TNS3: variants seen among roughly 807,000 people sequenced by gnomAD.
TNS3 encodes the protein tensin-3.
TNS3 carries 45 observed loss-of-function variants against 140.9 expected under a neutral mutation model. The observed-to-expected ratio is 0.32, with a 90% CI of 0.25 to 0.41. The LOEUF (loss-of-function observed/expected upper bound fraction) is 0.41, where lower values mean the gene tolerates loss of function less well. TNS3 is among the 10% of genes least tolerant of loss of function. TNS3 has a pLI of 1.00. For synonymous variants in TNS3, 815 were observed against 788.4 expected, an observed-to-expected ratio of 1.03 and a Z score of -0.56; for missense variants, 1,716 against 1,906.7, an observed-to-expected ratio of 0.90 and a Z score of 1.86.
At chr7:47,549,456 C>T (rs1373575875) in intron 1 of TNS3, among the ~76,000 whole-genome samples, 1 of 152,084 alleles carries the variant, frequency 6.6e-6, no homozygotes, top group Admixed American at 6.5e-5. Flanking sequence ...GATCACGCCA[C>T]TGCACTCCAG....
intron 4 of TNS3, among the ~76,000 whole-genome samples, chr7:47,449,297 A>G (rs961903635): frequency 3.2e-4 from 49 of 152,180 alleles, no homozygotes; most frequent in Non-Finnish European, 6.0e-4. Context: ...CTGACGTCCC[A>G]TTGCCATGGG....
Position 47,304,868 on chromosome 7 carries a change from G to A in TNS3, c.2786C>T (p.Thr929Ile). 7.1e-7 allele frequency: 1 copy of A among 1,404,862 alleles called. No individual in the cohort carries two copies. Among genetic ancestry groups the A allele is most frequent in the East Asian group, 2.7e-5 (1 of 36,736 alleles). The allele number at this position is 1,404,862 out of a possible 1,614,324, so 87.0% of individuals were successfully genotyped here. A position where few individuals can be genotyped will look rare whatever the true frequency, so the allele number is the denominator to read the frequency against. ...SFQQAFASSC[T>I]ISSNGPGQRR... ...CTGCCCAGGGCCGTTGCTGGAAATG[G>A]TGCAGGAAGAAGCAAAAGCCTGCTG... The change falls in exon 21 of 31, where the codon ACC becomes ATC. Residue 929 changes from threonine (T) to isoleucine (I), a missense_variant. Transcript: ENST00000311160.
In TNS3 at chr7:47,470,468, G is replaced by T. The variant is rs545933960; in HGVS notation, c.-76+10635C>A. 7.8e-4 allele frequency: 772 copies of T among 985,316 alleles called. 2 individuals are homozygous for T. The highest frequency in any genetic ancestry group is 9.0e-4 in the Non-Finnish European group (743 of 829,940). The allele number at this position is 985,316 out of a possible 1,614,324, so 61.0% of individuals were successfully genotyped here. A position where few individuals can be genotyped will look rare whatever the true frequency, so the allele number is the denominator to read the frequency against. On this transcript the variant is annotated intron_variant, in intron 4 of 30. Transcript: ENST00000311160. ...CTGATTTTTCTTGTCTGCTGCAGAC[G>T]TCCAGTCATCAGACTTGGCAGCATT... is the stretch of plus-strand genomic sequence containing the variant.
chr7:47,441,544 C>A (rs953541308), intron 5 of TNS3, among the ~76,000 whole-genome samples: 1 of 152,188 alleles, frequency 6.6e-6, no homozygotes, highest in Non-Finnish European at 1.5e-5. Context: ...ATTTTGTTTT[C>A]TCTACCTTAT....
In TNS3 at chr7:47,574,508, G is replaced by T. The variant is rs548126596; in HGVS notation, c.-265+7543C>A. ...AGCTTGTGCTCACCAAAAAAAAAAT[G>T]GAAAGCAGGGACTTATACACCCATG... On this transcript the variant is annotated intron_variant, in intron 1 of 30. Coordinates refer to ENST00000311160, the MANE Select transcript of TNS3 (RefSeq NM_022748.12). 5.5e-4 allele frequency among the ~76,000 whole-genome samples: 84 copies of T among 152,060 alleles called. 2 individuals carry two copies. The South Asian group carries it at 0.017, about 32-fold the overall frequency.
chr7:47,447,226 G>A (rs1433805403), intron 4 of TNS3, among the ~76,000 whole-genome samples: 1 of 151,742 alleles, frequency 6.6e-6, no homozygotes, highest in Non-Finnish European at 1.5e-5. Flanking sequence ...GCACTGCCTG[G>A]AGGGTCATTC....
At chr7:47,501,845 G>A (rs1285248227) in intron 3 of TNS3, among the ~76,000 whole-genome samples, 1 of 152,202 alleles carries the variant, frequency 6.6e-6, no homozygotes, top group Non-Finnish European at 1.5e-5. Context: ...CCTGAGCCAT[G>A]CGGGAGTCAG....
Position 47,428,295 on chromosome 7 carries a change from T to A in TNS3, c.389+17A>T. ...CTTTTAGCACCTCAAGACAGCGAGC[T>A]GACATCTTCATCCTACCTGGCTGAG... On this transcript the variant is annotated intron_variant, in intron 9 of 30. Transcript: ENST00000311160. 7.1e-7 allele frequency: 1 copy of A among 1,415,686 alleles called. No homozygotes were observed. Among genetic ancestry groups the A allele is most frequent in the Non-Finnish European group, 9.3e-7 (1 of 1,077,820 alleles). 87.7% of individuals were successfully genotyped at this position (1,415,686 alleles called of 1,614,324 possible). A position where few individuals can be genotyped will look rare whatever the true frequency, so the allele number is the denominator to read the frequency against.
chr7:47,433,879 GTCTATC>G (rs1446386658), intron 8 of TNS3, among the ~76,000 whole-genome samples: 3 of 85,648 alleles, frequency 3.5e-5, no homozygotes, highest in South Asian at 1.1e-3. Flanking sequence ...AAGTCCGTCT[GTCTATC>G]TCTCTCTCTC....
intron 3 of TNS3, among the ~76,000 whole-genome samples, chr7:47,498,085 A>G (rs564079867): frequency 1.3e-3 from 197 of 152,264 alleles, no homozygotes; most frequent in African/African-American, 4.5e-3. Flanking sequence ...CGCTTGTCCA[A>G]ATTATTTCTC....
At chr7:47,418,022 C>T (rs890341265) in intron 10 of TNS3, among the ~76,000 whole-genome samples, 1 of 152,218 alleles carries the variant, frequency 6.6e-6, no homozygotes, top group Non-Finnish European at 1.5e-5. Context: ...GGCGCAGTGG[C>T]TCCCGCCTAT....
intron 3 of TNS3, among the ~76,000 whole-genome samples, chr7:47,489,332 G>A (rs541416431): frequency 7.2e-5 from 11 of 152,322 alleles, no homozygotes; most frequent in African/African-American, 2.6e-4. Context: ...AAAAAAGAAA[G>A]GCTCAAGCTT....
chr7:47,312,092 T>C (rs1787137372), intron 20 of TNS3, among the ~76,000 whole-genome samples: 1 of 152,180 alleles, frequency 6.6e-6, no homozygotes, highest in African/African-American at 2.4e-5. Context: ...GTAAATACCA[T>C]GACCATCTCA....
chr7:47,434,577 C>T (rs549853740), intron 8 of TNS3, among the ~76,000 whole-genome samples: 1 of 152,354 alleles, frequency 6.6e-6, no homozygotes, highest in Non-Finnish European at 1.5e-5. Flanking sequence ...AGTCCAACCC[C>T]TTTCAACAAC....
At chr7:47,515,187 A>G (rs34964258) in intron 2 of TNS3, among the ~76,000 whole-genome samples, 23,097 of 152,254 alleles carry the variant, frequency 0.15, 2,353 homozygotes, top group South Asian at 0.21. Flanking sequence ...CTACTTAACC[A>G]CATATGAAAT....
chr7:47,416,453 C>G (rs759763042), intron 10 of TNS3, among the ~76,000 whole-genome samples: 1 of 152,238 alleles, frequency 6.6e-6, no homozygotes, highest in Non-Finnish European at 1.5e-5. Context: ...TTATAGTCCA[C>G]CCACTAGGAA....
intron 16 of TNS3, among the ~76,000 whole-genome samples, chr7:47,394,788 T>C (rs1350054511): frequency 1.3e-5 from 2 of 152,242 alleles, no homozygotes; most frequent in Non-Finnish European, 2.9e-5. Context: ...TCAACGTAGG[T>C]CCTTCACCAC....
chr7:47,426,147 T>C (rs1354106101), intron 9 of TNS3, among the ~76,000 whole-genome samples: 4 of 152,074 alleles, frequency 2.6e-5, no homozygotes, highest in African/African-American at 9.7e-5. Flanking sequence ...CTGGGCATAG[T>C]GGCGGGCACC....
In TNS3 at chr7:47,277,669, G is replaced by A. The variant is rs1030841473; in HGVS notation, c.*407C>T. Reference sequence around the variant, plus strand: ...GACAGAAGCGCCCATGCGGACGGGCGAAGCATGGCAGTCACTCGGCACCTC... The same window carrying A: ...GACAGAAGCGCCCATGCGGACGGGCAAAGCATGGCAGTCACTCGGCACCTC... On this transcript the variant is annotated 3_prime_UTR_variant, in exon 31 of 31. Transcript: ENST00000311160. 2.9e-5 allele frequency: 8 copies of A among 279,458 alleles called. No homozygotes were observed. Among genetic ancestry groups the A allele is most frequent in the Middle Eastern group, 2.5e-3 (2 of 790 alleles). The allele number at this position is 279,458 out of a possible 1,614,324, so 17.3% of individuals were successfully genotyped here.
Sources: gnomAD v4.1 joint callset for allele counts (sites outside exome capture counted in the v4.1 genomes callset) on GRCh38, gnomAD v4.1.1 for gene constraint, MANE v1.5 for transcripts, NCBI Gene and HGNC (gene_info 2026-07-23, HGNC 2026-07-21) for gene names.